The following SGCG variants were observed in gnomAD, a reference collection of about 807,000 sequenced individuals.
The protein encoded by SGCG is gamma-sarcoglycan.
SGCG carries 26 observed loss-of-function variants against 29.3 expected under a neutral mutation model. The observed-to-expected ratio is 0.89, with a 90% confidence interval of 0.65 to 1.23. The LOEUF (loss-of-function observed/expected upper bound fraction) is 1.23, where lower values mean the gene tolerates loss of function less well. Ranked by LOEUF, SGCG falls within the 50% of genes most tolerant of loss-of-function variation. The probability of loss-of-function intolerance (pLI) is 0.00; values close to 1 mark genes in which losing one functional copy is unlikely to be tolerated. For missense variants in SGCG, 353 were observed against 356.0 expected, an observed-to-expected ratio of 0.99 and a Z score of 0.07; for synonymous variants, 145 against 129.7, an observed-to-expected ratio of 1.12 and a Z score of -0.80.
intron 6 of SGCG, among the ~76,000 whole-genome samples, chr13:23,308,688 C>T (rs1882442663): frequency 6.6e-6 from 1 of 152,098 alleles, no homozygotes; most frequent in African/African-American, 2.4e-5. Context: ...CCTTAGCGCC[C>T]TGAGTAGCTG....
chr13:23,232,740 TC>T (rs1256572223), intron 2 of SGCG, among the ~76,000 whole-genome samples: 3 of 151,868 alleles, frequency 2.0e-5, no homozygotes, highest in Non-Finnish European at 4.4e-5. Context: ...TGAGATCACG[TC>T]ACTGCACTCC....
chr13:23,291,663 T>C (rs34159705), intron 5 of SGCG, among the ~76,000 whole-genome samples: 33,629 of 152,100 alleles, frequency 0.22, 4,110 homozygotes, highest in Admixed American at 0.28. Context: ...TCCCTGTAAG[T>C]ACATTACCAT....
intron 2 of SGCG, among the ~76,000 whole-genome samples, chr13:23,224,808 G>A (rs1372950419): frequency 6.6e-6 from 1 of 152,054 alleles, no homozygotes; most frequent in Non-Finnish European, 1.5e-5. Context: ...GAATTACCTG[G>A]AAGCTTCATA....
At chr13:23,290,111 G>T (rs1887756) in intron 5 of SGCG, among the ~76,000 whole-genome samples, 32,372 of 152,118 alleles carry the variant, frequency 0.21, 3,735 homozygotes, top group East Asian at 0.35. Context: ...TATTTGTTTT[G>T]GTTGATGGCA....
chr13:23,240,170 T>C (rs917652814), intron 3 of SGCG, among the ~76,000 whole-genome samples: 1 of 151,954 alleles, frequency 6.6e-6, no homozygotes, highest in Non-Finnish European at 1.5e-5. Context: ...AAAATTGGAG[T>C]GACTATATTA....
chr13:23,252,622 C>T (rs1446526697), intron 4 of SGCG, among the ~76,000 whole-genome samples: 6 of 151,990 alleles, frequency 3.9e-5, no homozygotes, highest in Admixed American at 6.6e-5. Context: ...ACCCGGGAGG[C>T]GGAGCTTGCA....
intron 3 of SGCG, among the ~76,000 whole-genome samples, chr13:23,237,210 T>C (rs928536513): frequency 6.6e-5 from 10 of 152,224 alleles, no homozygotes; most frequent in African/African-American, 2.2e-4. Flanking sequence ...GAATTCATAC[T>C]TTGAATTCAT....
chr13:23,251,398 G>T (rs1420909023), intron 4 of SGCG, among the ~76,000 whole-genome samples: 1 of 152,212 alleles, frequency 6.6e-6, no homozygotes, highest in Admixed American at 6.5e-5. Flanking sequence ...TCACATGGGA[G>T]TGAGGTCACA....
chr13:23,229,495 T>A (rs796850682), intron 2 of SGCG, among the ~76,000 whole-genome samples: 2 of 152,380 alleles, frequency 1.3e-5, no homozygotes, highest in African/African-American at 4.8e-5. Flanking sequence ...ATACCCATTC[T>A]GACTGGTGTG....
At chr13:23,287,309 A>G (rs1483476491) in intron 5 of SGCG, among the ~76,000 whole-genome samples, 1 of 152,214 alleles carries the variant, frequency 6.6e-6, no homozygotes, top group African/African-American at 2.4e-5. Flanking sequence ...AAGAGGGACC[A>G]TGTGACAAGA....
intron 6 of SGCG, among the ~76,000 whole-genome samples, chr13:23,302,848 AG>A (rs1882216381): frequency 6.6e-6 from 1 of 152,178 alleles, no homozygotes; most frequent in Non-Finnish European, 1.5e-5. Context: ...TTTTTTAAGT[AG>A]ATGTCCCAAG....
At chr13:23,304,754 C>T (rs1882300281) in intron 6 of SGCG, among the ~76,000 whole-genome samples, 1 of 152,108 alleles carries the variant, frequency 6.6e-6, no homozygotes, top group Non-Finnish European at 1.5e-5. Flanking sequence ...CAGGAGCCTG[C>T]CATCATGCAT....
intron 3 of SGCG, among the ~76,000 whole-genome samples, chr13:23,243,238 T>G (rs1037117351): frequency 6.6e-6 from 1 of 152,206 alleles, no homozygotes; most frequent in Admixed American, 6.5e-5. Context: ...CAGCTGCAGC[T>G]TTGGTTCAGC....
intron 3 of SGCG, chr13:23,246,970 G>C (rs574266350): frequency 2.0e-5 from 3 of 153,404 alleles, no homozygotes; most frequent in African/African-American, 7.2e-5. Flanking sequence ...GAGCAAGCCC[G>C]AGAAACTGTG....
At chr13:23,317,753 T>G (rs971129751) in intron 6 of SGCG, among the ~76,000 whole-genome samples, 1 of 152,188 alleles carries the variant, frequency 6.6e-6, no homozygotes, top group African/African-American at 2.4e-5. Flanking sequence ...GACCTTATTA[T>G]CTTTATTTGA....
At chr13:23,239,818 G>A (rs1359979) in intron 3 of SGCG, among the ~76,000 whole-genome samples, 102,224 of 151,958 alleles carry the variant, frequency 0.67, 34,783 homozygotes, top group East Asian at 0.91. Flanking sequence ...TCGTAAAACA[G>A]AAAGTATAGC....
At chr13:23,180,406 C>T (rs1182121933), upstream of SGCG, among the ~76,000 whole-genome samples, 1 of 152,040 alleles carries the variant, frequency 6.6e-6, no homozygotes, top group African/African-American at 2.4e-5. Flanking sequence ...AGTTTGTTTA[C>T]CTTCTATTAT....
chr13:23,320,616 T>C (rs1463433528), intron 6 of SGCG, 21 bp from the exon 7 acceptor site: 1 of 1,398,726 alleles, frequency 7.1e-7, no homozygotes, highest in Non-Finnish European at 9.6e-7. Context: ...TTTTTTTTTG[T>C]GCTTCTTTTC....
chr13:23,217,179 G>A (rs1878462116), intron 2 of SGCG, among the ~76,000 whole-genome samples: 1 of 151,980 alleles, frequency 6.6e-6, no homozygotes, highest in African/African-American at 2.4e-5. Flanking sequence ...ATAGTTTCCT[G>A]AACACAGTTT....
Sources: gnomAD v4.1 joint callset for allele counts (sites outside exome capture counted in the v4.1 genomes callset) on GRCh38, gnomAD v4.1.1 for gene constraint, MANE v1.5 for transcripts, NCBI Gene and HGNC (gene_info 2026-07-23, HGNC 2026-07-21) for gene names.